Variants in MAPKBP1 observed in about 807,000 individuals in gnomAD.
MAPKBP1 encodes mitogen-activated protein kinase-binding protein 1.
Under a neutral mutation model 170.5 loss-of-function variants are expected in MAPKBP1, and 71 were observed. That is an observed-to-expected ratio of 0.42 (90% confidence interval 0.34 to 0.51). The LOEUF is 0.51. Among genes scored for constraint, MAPKBP1 ranks in the 20% least tolerant of loss-of-function variants. MAPKBP1 has a pLI of 0.06. For missense variants in MAPKBP1, 1,598 were observed against 1,933.0 expected, an observed-to-expected ratio of 0.83 and a Z score of 3.25; for synonymous variants, 719 against 757.9, an observed-to-expected ratio of 0.95 and a Z score of 0.84.
Position 41,823,453 on chromosome 15 carries a change from A to G in MAPKBP1, c.3605A>G (p.His1202Arg). 6.2e-7 allele frequency: 1 copy of G among 1,610,662 alleles called. No individual in the cohort carries two copies. The highest frequency in any genetic ancestry group is 8.5e-7 in the Non-Finnish European group (1 of 1,177,812). The change falls in exon 29 of 31, where the codon CAT (histidine) becomes CGT (arginine). Residue 1202 changes from histidine to arginine, a missense_variant. Around this residue, in one of 6 missense-constraint regions of MAPKBP1, gnomAD observed 942 missense variants for 953.2 expected, o/e 0.99. Transcript: ENST00000457542. ...ACCTCTGTCTCCTTTGCAGAAAGAC[A>G]TGAGGCCAGTCTGCAGGCCCCTTCA... is the stretch of plus-strand genomic sequence containing the variant. ...SVHSLVPQERHEASLQAPSPG... is the reference protein window; with the variant it reads ...SVHSLVPQERREASLQAPSPG...
chr15:41,817,804 A>C lies in MAPKBP1; in HGVS notation c.1904+69A>C. The C allele has an allele frequency of 6.3e-7, 1 of 1,593,316 alleles. No individual in the cohort carries two copies. Among genetic ancestry groups the C allele is most frequent in the Non-Finnish European group, 8.6e-7 (1 of 1,168,838 alleles). ...CCTACGGGGTCAGCTCTGTGCAGCT[A>C]AGTTCCCACATCTGTCGTTCTGTAC... On this transcript the variant is annotated intron_variant, in intron 16 of 30. Transcript: ENST00000457542. This position sits in a 1 kb window ranked among gnomAD's most constrained non-coding sequence, Gnocchi z 4.2.
rs2065109733 is a variant in MAPKBP1, at chr15:41,826,895, C to T, written c.*1459C>T. Reference sequence around the variant, plus strand: ...AGTTGAGGAAAGGTTTTTCTGGGCCCTACTGCTCCCCTCTGCTGCAGGTAA... The same window carrying T: ...AGTTGAGGAAAGGTTTTTCTGGGCCTTACTGCTCCCCTCTGCTGCAGGTAA... On this transcript the variant is annotated 3_prime_UTR_variant, in exon 31 of 31. Transcript: ENST00000457542. 1 of 152,244 alleles carries T rather than the reference C, an allele frequency of 6.6e-6. No individual in the cohort carries two copies. Among genetic ancestry groups the T allele is most frequent in the Non-Finnish European group, 1.5e-5 (1 of 68,090 alleles). 9.4% of individuals were successfully genotyped at this position (152,244 alleles called of 1,614,324 possible). A position where few individuals can be genotyped will look rare whatever the true frequency, so the allele number is the denominator to read the frequency against.
intron 27 of MAPKBP1, 107 bp from the exon 28 acceptor site, chr15:41,822,832 T>G: frequency 6.7e-7 from 1 of 1,486,084 alleles, no homozygotes; most frequent in Non-Finnish European, 9.2e-7. Context: ...CTATCTGGCT[T>G]TGTGCTTGTT....
At chr15:41,794,301 G>A (rs1044195166) in intron 2 of MAPKBP1, among the ~76,000 whole-genome samples, 18 of 152,310 alleles carry the variant, frequency 1.2e-4, no homozygotes, top group Middle Eastern at 3.4e-3. Flanking sequence ...CCAGATCAGT[G>A]AGTGTCAACC....
chr15:41,825,523 C>T lies in MAPKBP1; in HGVS notation c.*87C>T, dbSNP rs1024323968. The T allele has an allele frequency of 2.5e-5, 31 of 1,234,322 alleles. No individual in the cohort carries two copies. Among genetic ancestry groups the T allele is most frequent in the Non-Finnish European group, 3.2e-5 (29 of 893,422 alleles). The allele number at this position is 1,234,322 out of a possible 1,614,324, so 76.5% of individuals were successfully genotyped here. A position where few individuals can be genotyped will look rare whatever the true frequency, so the allele number is the denominator to read the frequency against. ...CCCCTCACCAAAACCTGCGGGGCTG[C>T]TTGGAGTGGAAAGCAGGGAGCAGTG... On this transcript the variant is annotated 3_prime_UTR_variant, in exon 31 of 31. Coordinates refer to ENST00000457542, the MANE Select transcript of MAPKBP1 (RefSeq NM_014994.3).
intron 3 of MAPKBP1, among the ~76,000 whole-genome samples, chr15:41,807,275 A>C (rs1203671302): frequency 6.6e-6 from 1 of 152,190 alleles, no homozygotes; most frequent in Non-Finnish European, 1.5e-5. Context: ...TGAACATAGG[A>C]GAAGGAGGAA....
chr15:41,822,819 G>T, intron 27 of MAPKBP1, 120 bp from the exon 28 acceptor site: 1 of 1,472,130 alleles, frequency 6.8e-7, no homozygotes, highest in African/African-American at 1.4e-5. Context: ...CCTTTCCCCA[G>T]CCCTATCTGG....
intron 6 of MAPKBP1, 128 bp from the exon 7 acceptor site, chr15:41,812,388 C>G (rs1449305702): frequency 7.4e-7 from 1 of 1,356,078 alleles, no homozygotes; most frequent in African/African-American, 1.4e-5. Flanking sequence ...CCCTCTTTTT[C>G]TGGCCAGTAA....
intron 22 of MAPKBP1, 141 bp downstream of exon 22, chr15:41,819,791 G>C: frequency 1.1e-6 from 1 of 870,936 alleles, no homozygotes; most frequent in Non-Finnish European, 1.7e-6. Flanking sequence ...GGAAGGCCTT[G>C]TCGGGGAAGT....
chr15:41,775,446 C>T (rs1485395891), intron 2 of MAPKBP1, 57 bp downstream of exon 2: 1 of 1,250,946 alleles, frequency 8.0e-7, no homozygotes, highest in Non-Finnish European at 1.2e-6. Context: ...CTCCATGTTC[C>T]TCGTTAACCT....
At chr15:41,807,247 C>A (rs566948075) in intron 3 of MAPKBP1, among the ~76,000 whole-genome samples, 1 of 152,282 alleles carries the variant, frequency 6.6e-6, no homozygotes, top group Admixed American at 6.5e-5. Flanking sequence ...ATCATTCACC[C>A]TTCTTCCACC....
At chr15:41,797,516 A>T (rs1325423397) in intron 2 of MAPKBP1, among the ~76,000 whole-genome samples, 1 of 152,180 alleles carries the variant, frequency 6.6e-6, no homozygotes, top group East Asian at 1.9e-4. Context: ...ACTTAAACTG[A>T]GTATCCCCCA....
At chr15:41,796,500 A>G (rs1277564369) in intron 2 of MAPKBP1, among the ~76,000 whole-genome samples, 5 of 152,176 alleles carry the variant, frequency 3.3e-5, no homozygotes, top group Non-Finnish European at 5.9e-5. Context: ...CCTCCCTGCA[A>G]ACAGGAAGCT....
chr15:41,817,564 C>T lies in MAPKBP1; in HGVS notation c.1783-50C>T, dbSNP rs747898040. 2 of 1,613,554 alleles carry T rather than the reference C, an allele frequency of 1.2e-6. No individual in the cohort carries two copies. The highest frequency in any genetic ancestry group is 2.2e-5 in the South Asian group (2 of 91,058). On this transcript the variant is annotated intron_variant, in intron 15 of 30. Transcript: ENST00000457542. This position sits in a 1 kb window ranked among gnomAD's most constrained non-coding sequence, Gnocchi z 4.2. ...GGAGGCGCAAGTAGGGCTCTTGGGG[C>T]CTGGTGAGGCATTTGGGTGTGGGCC...
chr15:41,780,168 C>G (rs894377810), intron 2 of MAPKBP1, among the ~76,000 whole-genome samples: 2 of 152,134 alleles, frequency 1.3e-5, no homozygotes, highest in Non-Finnish European at 2.9e-5. Flanking sequence ...CCAAGTTTTT[C>G]TCTCTTTCAG....
chr15:41,805,543 G>A lies in MAPKBP1; in HGVS notation c.207-5340G>A, dbSNP rs1374083236. Among the ~76,000 whole-genome samples the A allele has an allele frequency of 3.3e-5, 5 of 152,332 alleles. No homozygotes were observed. The South Asian group carries it at 1.0e-3, about 32-fold the overall frequency. ...ATGGGAAGTGTCCCAGCAAGGTGACGGGGTGTATCTGGCAGCTAAGAAGAG... is the reference window on the plus strand; with the variant it reads ...ATGGGAAGTGTCCCAGCAAGGTGACAGGGTGTATCTGGCAGCTAAGAAGAG... On this transcript the variant is annotated intron_variant, in intron 3 of 30. Transcript: ENST00000457542.
chr15:41,774,612 T>G lies in MAPKBP1; in HGVS notation c.-110+2T>G. 1 of 398,610 alleles carries G rather than the reference T, an allele frequency of 2.5e-6. No individual in the cohort carries two copies. Among genetic ancestry groups the G allele is most frequent in the East Asian group, 3.6e-5 (1 of 28,078 alleles). 24.7% of individuals were successfully genotyped at this position (398,610 alleles called of 1,614,324 possible). A position where few individuals can be genotyped will look rare whatever the true frequency, so the allele number is the denominator to read the frequency against. On this transcript the variant is annotated splice_donor_variant, in intron 1 of 30. Transcript: ENST00000457542. LOFTEE classifies it low-confidence loss of function (5UTR_SPLICE). ...GGTGGCCTTAGCTCGCCGAGGCTGG[T>G]GAGGCTGGGCCCGAACGGGGGCGCT...
At position 41,821,960 on chromosome 15, in the gene MAPKBP1, G is replaced by C; in HGVS notation, c.2886-5G>C. 1 of 1,610,736 alleles carries C rather than the reference G, an allele frequency of 6.2e-7. No individual in the cohort carries two copies. The highest frequency in any genetic ancestry group is 1.3e-5 in the African/African-American group (1 of 74,972). On this transcript the variant is annotated splice_polypyrimidine_tract_variant and splice_region_variant and intron_variant, in intron 24 of 30. Coordinates refer to ENST00000457542, the MANE Select transcript of MAPKBP1 (RefSeq NM_014994.3). ...CTTTTCTTCTCCCTGCTGGAATCCT[G>C]ACAGTGAGTTCCAAGTGCAGGCTCC...
At chr15:41,809,073 CAA>C (rs34394712) in intron 3 of MAPKBP1, among the ~76,000 whole-genome samples, 9 of 113,882 alleles carry the variant, frequency 7.9e-5, no homozygotes, top group Admixed American at 9.2e-5. Context: ...GACCCTGCCT[CAA>C]AAAAAAAAAA....
Sources: allele counts gnomAD v4.1 joint callset (sites outside exome capture counted in the v4.1 genomes callset), GRCh38; gene constraint gnomAD v4.1.1; regional missense constraint gnomAD v4.1.1; non-coding constraint Gnocchi (gnomAD v3.1); transcripts MANE v1.5; gene names NCBI Gene and HGNC (gene_info 2026-07-23, HGNC 2026-07-21).